LRP1B: variants seen among roughly 807,000 people sequenced by gnomAD.
The protein encoded by LRP1B is low-density lipoprotein receptor-related protein 1B.
Under a neutral mutation model 556.6 loss-of-function variants are expected in LRP1B, and 217 were observed. The observed-to-expected ratio is 0.39, with a 90% confidence interval of 0.35 to 0.44. The LOEUF (loss-of-function observed/expected upper bound fraction) is 0.44, where lower values mean the gene tolerates loss of function less well. Among genes scored for constraint, LRP1B ranks in the 20% least tolerant of loss-of-function variants. The pLI is 1.00. For synonymous variants in LRP1B, 2,047 were observed against 1,865.8 expected (o/e 1.10, Z -2.50); for missense variants, 5,053 against 5,620.8 (o/e 0.90, Z 3.23).
chr2:141,169,581 A>G (rs1030834897), intron 7 of LRP1B, among the ~76,000 whole-genome samples: 1 of 151,812 alleles, frequency 6.6e-6, no homozygotes, highest in African/African-American at 2.4e-5. Flanking sequence ...TATGAGGGCA[A>G]TAGCGACAGA....
intron 3 of LRP1B, among the ~76,000 whole-genome samples, chr2:141,330,705 C>A (rs955583032): frequency 6.6e-6 from 1 of 151,546 alleles, no homozygotes; most frequent in African/African-American, 2.4e-5. Context: ...GTCTGTAGAC[C>A]ACTTAAAGAT....
chr2:142,099,775 A>T (rs944389906), intron 1 of LRP1B, among the ~76,000 whole-genome samples: 20 of 152,044 alleles, frequency 1.3e-4, no homozygotes, highest in African/African-American at 4.8e-4. Context: ...TATTTTAGAT[A>T]AAAGAATAAT....
chr2:141,518,724 G>A (rs543326309), intron 2 of LRP1B, among the ~76,000 whole-genome samples: 6 of 152,170 alleles, frequency 3.9e-5, no homozygotes, highest in East Asian at 3.9e-4. Flanking sequence ...CGAGGTGGGC[G>A]GATCACCTGA....
chr2:141,203,997 C>A (rs1682157009), intron 6 of LRP1B, among the ~76,000 whole-genome samples: 1 of 152,118 alleles, frequency 6.6e-6, no homozygotes, highest in Non-Finnish European at 1.5e-5. Flanking sequence ...AATGAATACA[C>A]AATGTACCAG....
intron 2 of LRP1B, among the ~76,000 whole-genome samples, chr2:141,514,410 T>C (rs969537043): frequency 2.0e-5 from 3 of 152,172 alleles, no homozygotes; most frequent in Non-Finnish European, 4.4e-5. Flanking sequence ...CCCTGCAAGG[T>C]GTGCTCTGCT....
intron 1 of LRP1B, among the ~76,000 whole-genome samples, chr2:141,838,518 A>G (rs1697365767): frequency 6.6e-6 from 1 of 152,206 alleles, no homozygotes; most frequent in African/African-American, 2.4e-5. Context: ...GTAATAAGTG[A>G]TGAGCACATT....
chr2:141,827,620 G>A (rs1409287615), intron 1 of LRP1B, among the ~76,000 whole-genome samples: 4 of 152,096 alleles, frequency 2.6e-5, no homozygotes, highest in Non-Finnish European at 5.9e-5. Flanking sequence ...GATATTGTTT[G>A]AGCATCAACT....
chr2:140,892,750 G>A (rs1693835059), intron 23 of LRP1B, among the ~76,000 whole-genome samples: 1 of 151,978 alleles, frequency 6.6e-6, no homozygotes, highest in Admixed American at 6.6e-5. Flanking sequence ...GAAAGTTAGG[G>A]GCAACTTGAG....
chr2:141,523,373 T>G (rs564081523), intron 2 of LRP1B, among the ~76,000 whole-genome samples: 31 of 152,240 alleles, frequency 2.0e-4, no homozygotes, highest in Non-Finnish European at 4.0e-4. Flanking sequence ...AATCCTTACT[T>G]TCTAGTTATG....
chr2:141,274,947 C>A (rs567678266), intron 3 of LRP1B, among the ~76,000 whole-genome samples: 1 of 152,262 alleles, frequency 6.6e-6, no homozygotes, highest in South Asian at 2.1e-4. Context: ...ACCCAAGCAA[C>A]TTTTCTCAGG....
In LRP1B at chr2:141,058,959, C is replaced by T. The variant is rs766541234; in HGVS notation, c.1332G>A (p.Gly444=). ...TTTTAATTAATGAGTGAATATCAGT[C>T]CCATTAAATCGGTTTATCCTTACGA... ...YNIVRINRFN[G]TDIHSLIKIE... is the part of the protein sequence containing the mutation. The change falls in exon 9 of 91, where the codon GGG becomes GGA. Residue 444 remains glycine, a synonymous_variant. Coordinates refer to ENST00000389484, the MANE Select transcript of LRP1B (RefSeq NM_018557.3). The T allele has an allele frequency of 4.4e-6, 7 of 1,599,972 alleles. No individual in the cohort carries two copies. The highest frequency in any genetic ancestry group is 6.0e-6 in the Non-Finnish European group (7 of 1,172,848).
intron 1 of LRP1B, among the ~76,000 whole-genome samples, chr2:141,933,434 C>T (rs1278156209): frequency 6.6e-6 from 1 of 152,088 alleles, no homozygotes; most frequent in African/African-American, 2.4e-5. Context: ...AAACCGAGTT[C>T]TGTTTTGAAG....
intron 85 of LRP1B, among the ~76,000 whole-genome samples, chr2:140,271,944 A>G (rs1036252078): frequency 6.6e-6 from 1 of 151,912 alleles, no homozygotes; most frequent in Non-Finnish European, 1.5e-5. Context: ...CTCAAAAGGG[A>G]AAATTAGCTC....
At chr2:140,795,817 T>C (rs943957579) in intron 32 of LRP1B, among the ~76,000 whole-genome samples, 3 of 152,074 alleles carry the variant, frequency 2.0e-5, no homozygotes, top group African/African-American at 7.2e-5. Context: ...TCCACTACAT[T>C]CCAACATGAG....
chr2:141,552,161 C>T (rs1685777318), intron 2 of LRP1B, among the ~76,000 whole-genome samples: 1 of 152,076 alleles, frequency 6.6e-6, no homozygotes, highest in East Asian at 1.9e-4. Flanking sequence ...CAGAGAAATG[C>T]AGTATCATTG....
At chr2:141,038,815 T>C (rs988820476) in intron 11 of LRP1B, among the ~76,000 whole-genome samples, 7 of 152,244 alleles carry the variant, frequency 4.6e-5, no homozygotes, top group Admixed American at 2.6e-4. Flanking sequence ...TAACTAAGAA[T>C]TCCATAATGC....
At chr2:141,939,496 A>G (rs1409975175) in intron 1 of LRP1B, among the ~76,000 whole-genome samples, 1 of 152,118 alleles carries the variant, frequency 6.6e-6, no homozygotes, top group East Asian at 1.9e-4. Context: ...GGCTTGTGAG[A>G]GATAATTACA....
chr2:141,207,655 A>ATGTTTTTGTTTT (rs68129080), intron 6 of LRP1B, among the ~76,000 whole-genome samples: 8 of 150,694 alleles, frequency 5.3e-5, no homozygotes, highest in Admixed American at 1.3e-4. Context: ...TGTGGGGAGC[A>ATGTTTTTGTTTT]TGTTTTTGTT....
Position 141,281,692 on chromosome 2 carries a change from A to G in LRP1B, c.344-27051T>C, listed in dbSNP as rs185262335. Among the ~76,000 whole-genome samples the G allele has an allele frequency of 4.7e-3, 710 of 152,072 alleles. 5 individuals carry two copies. Among genetic ancestry groups the G allele is most frequent in the Non-Finnish European group, 6.5e-3 (438 of 67,878 alleles). ...TGTATTCTGCTCACATTAATATTCT[A>G]TGCCATAACACAACAATAAAGAGAT... On this transcript the variant is annotated intron_variant, in intron 3 of 90. Transcript: ENST00000389484.
Sources: gnomAD v4.1 joint callset for allele counts (sites outside exome capture counted in the v4.1 genomes callset) on GRCh38, gnomAD v4.1.1 for gene constraint, MANE v1.5 for transcripts, NCBI Gene and HGNC (gene_info 2026-07-23, HGNC 2026-07-21) for gene names.